NCEH1: variants seen among roughly 807,000 people sequenced by gnomAD.
NCEH1 encodes the protein 2-acetyl MAGE hydrolase.
Under a neutral mutation model 25.4 loss-of-function variants are expected in NCEH1, and 9 were observed. The ratio of observed to expected loss-of-function variants is 0.35; its 90% confidence interval spans 0.21 to 0.62. The LOEUF (loss-of-function observed/expected upper bound fraction) is 0.62, where lower values mean the gene tolerates loss of function less well. NCEH1 is among the 20% of genes least tolerant of loss of function. The pLI is 0.72. For missense variants in NCEH1, 412 were observed against 501.1 expected (o/e 0.82, Z 1.70); for synonymous variants, 200 against 199.8 (o/e 1.00, Z -0.01).
At chr3:172,689,274 T>C (rs1354375229) in intron 1 of NCEH1, among the ~76,000 whole-genome samples, 2 of 148,652 alleles carry the variant, frequency 1.3e-5, no homozygotes, top group Non-Finnish European at 3.0e-5. Flanking sequence ...TTTTTTTTTT[T>C]TGGGATGGAG....
At chr3:172,699,309 T>C (rs965523490) in intron 1 of NCEH1, among the ~76,000 whole-genome samples, 1 of 152,208 alleles carries the variant, frequency 6.6e-6, no homozygotes, top group African/African-American at 2.4e-5. Context: ...ACAGTGAGGC[T>C]GCAGTCAGCA....
chr3:172,654,361 G>C (rs73880217), intron 1 of NCEH1, among the ~76,000 whole-genome samples: 1,954 of 152,324 alleles, frequency 0.013, 37 homozygotes, highest in African/African-American at 0.043. Flanking sequence ...ACCTAGAACA[G>C]TGCCTGTCAC....
At position 172,696,040 on chromosome 3, in the gene NCEH1, C is replaced by A. The variant is rs966297541; in HGVS notation, c.138+14807G>T. The stretch of plus-strand genomic sequence containing the variant: ...TATATCCAGTTAGAACATCAGCAAA[C>A]TAAATCTACGGACCCTAAAACTTTA... On this transcript the variant is annotated intron_variant, in intron 1 of 4. Coordinates refer to ENST00000475381, the MANE Select transcript of NCEH1 (RefSeq NM_020792.6). 4.6e-5 allele frequency among the ~76,000 whole-genome samples: 7 copies of A among 152,238 alleles called. No homozygotes were observed. In the East Asian group the frequency reaches 1.3e-3, roughly 29 times the overall value.
At chr3:172,687,319 G>A (rs1474936396) in intron 1 of NCEH1, among the ~76,000 whole-genome samples, 1 of 152,072 alleles carries the variant, frequency 6.6e-6, no homozygotes, top group Non-Finnish European at 1.5e-5. Flanking sequence ...TCACAGCCTT[G>A]TACTGCCCAT....
chr3:172,649,863 A>G (rs3914946), intron 1 of NCEH1, among the ~76,000 whole-genome samples: 63,886 of 152,094 alleles, frequency 0.42, 13,907 homozygotes, highest in East Asian at 0.69. Flanking sequence ...TGGCTCTGTT[A>G]TATTATGAAC....
At chr3:172,699,875 A>G (rs1713587449) in intron 1 of NCEH1, among the ~76,000 whole-genome samples, 1 of 152,122 alleles carries the variant, frequency 6.6e-6, no homozygotes, top group South Asian at 2.1e-4. Context: ...ACAAAGAAAA[A>G]AACACTGTTG....
intron 1 of NCEH1, among the ~76,000 whole-genome samples, chr3:172,680,483 C>T (rs1291946930): frequency 6.6e-6 from 1 of 152,174 alleles, no homozygotes; most frequent in Non-Finnish European, 1.5e-5. Flanking sequence ...TGCAACTTCC[C>T]TGTAAACTTG....
chr3:172,633,343 T>A lies in NCEH1; in HGVS notation c.*132A>T. 1 of 865,608 alleles carries A rather than the reference T, an allele frequency of 1.2e-6. No homozygotes were observed. Among genetic ancestry groups the A allele is most frequent in the Non-Finnish European group, 1.8e-6 (1 of 554,196 alleles). 53.6% of individuals were successfully genotyped at this position (865,608 alleles called of 1,614,324 possible). ...TAGGTTATCATAAAGACTTCAGTTATGGAATAGAAATTCCATAACTCGCAA... is the reference window on the plus strand; with the variant it reads ...TAGGTTATCATAAAGACTTCAGTTAAGGAATAGAAATTCCATAACTCGCAA... On this transcript the variant is annotated 3_prime_UTR_variant, in exon 5 of 5. Coordinates refer to ENST00000475381, the MANE Select transcript of NCEH1 (RefSeq NM_020792.6).
Position 172,705,906 on chromosome 3 carries a change from G to A in NCEH1, c.138+4941C>T, listed in dbSNP as rs143132896. On this transcript the variant is annotated intron_variant, in intron 1 of 4. Transcript: ENST00000475381. ...CCAGCTACTCAGGAGGCTGAGGCAC[G>A]AGAATCACTTGAAACCAGGAGGTGG... Among the ~76,000 whole-genome samples, 426 of 149,690 alleles carry A rather than the reference G, an allele frequency of 2.8e-3. 2 individuals carry two copies. Among genetic ancestry groups the A allele is most frequent in the African/African-American group, 9.8e-3 (398 of 40,606 alleles).
intron 1 of NCEH1, chr3:172,681,362 A>C (rs894358118): frequency 6.6e-6 from 1 of 152,050 alleles, no homozygotes; most frequent in Non-Finnish European, 1.5e-5. Context: ...TTCTTACACT[A>C]AAGTAAGGCA....
At chr3:172,656,800 C>T (rs974967852) in intron 1 of NCEH1, among the ~76,000 whole-genome samples, 12 of 152,112 alleles carry the variant, frequency 7.9e-5, no homozygotes, top group African/African-American at 2.9e-4. Context: ...AGACTGCCCT[C>T]TTTGAAGGTA....
chr3:172,693,699 T>C (rs1053579254), intron 1 of NCEH1, among the ~76,000 whole-genome samples: 6 of 152,168 alleles, frequency 3.9e-5, no homozygotes, highest in Non-Finnish European at 7.3e-5. Flanking sequence ...TTTTCATCCA[T>C]GTATTAAGCT....
At chr3:172,670,529 A>G (rs1449804777) in intron 1 of NCEH1, among the ~76,000 whole-genome samples, 1 of 152,242 alleles carries the variant, frequency 6.6e-6, no homozygotes, top group Non-Finnish European at 1.5e-5. Context: ...AAAGCTACAC[A>G]TGTAGAGTCA....
Position 172,633,104 on chromosome 3 carries a change from G to C in NCEH1, c.*371C>G, listed in dbSNP as rs1716437762. 4.9e-6 allele frequency: 1 copy of C among 204,786 alleles called. No individual in the cohort carries two copies. Among genetic ancestry groups the C allele is most frequent in the African/African-American group, 2.4e-5 (1 of 42,422 alleles). 12.7% of individuals were successfully genotyped at this position (204,786 alleles called of 1,614,324 possible). A position where few individuals can be genotyped will look rare whatever the true frequency, so the allele number is the denominator to read the frequency against. The stretch of plus-strand genomic sequence containing the variant: ...TCCTCGTTTTTTTAACTTATTAAAG[G>C]TCACTCTATGATCCAGAGCTGGAAG... On this transcript the variant is annotated 3_prime_UTR_variant, in exon 5 of 5. Transcript: ENST00000475381.
intron 1 of NCEH1, among the ~76,000 whole-genome samples, chr3:172,688,279 G>T (rs188298530): frequency 1.5e-5 from 2 of 130,600 alleles, no homozygotes; most frequent in African/African-American, 3.1e-5. Context: ...GCAGTGAGCC[G>T]AGATCACGTC....
rs1338173375 is a variant in NCEH1 at position 172,645,618 on chromosome 3, CT to C, written c.437+4del. The C allele has an allele frequency of 1.9e-6, 3 of 1,574,248 alleles. No individual in the cohort carries two copies. The highest frequency in any genetic ancestry group is 2.6e-6 in the Non-Finnish European group (3 of 1,150,040). ...AATTTTCTATGACTAGCATTAATTA[CT>C]TACTCAATGGAAACAATGACAGCAT... On this transcript the variant is annotated splice_donor_region_variant and intron_variant, in intron 3 of 4. Transcript: ENST00000475381.
chr3:172,638,275 CCAAAAAAAAAAAAA>C (rs1320418623), intron 3 of NCEH1, among the ~76,000 whole-genome samples: 31 of 81,932 alleles, frequency 3.8e-4, no homozygotes, highest in African/African-American at 7.8e-4. Flanking sequence ...GAGACTCTGT[CCAAAAAAAAAAAAA>C]AAAAAAAAAA....
intron 1 of NCEH1, among the ~76,000 whole-genome samples, chr3:172,706,499 C>CTTTTTTTTTT (rs768288361): frequency 1.6e-5 from 2 of 126,464 alleles, no homozygotes; most frequent in African/African-American, 3.1e-5. Flanking sequence ...TTACATTTTT[C>CTTTTTTTTTT]TTTTTTTTTT....
chr3:172,653,466 T>TA (rs1177100301), intron 1 of NCEH1, among the ~76,000 whole-genome samples: 5 of 152,142 alleles, frequency 3.3e-5, no homozygotes, highest in Non-Finnish European at 5.9e-5. Context: ...ATCTGAAACT[T>TA]AGAGTAATAG....
Sources: allele counts gnomAD v4.1 joint callset (sites outside exome capture counted in the v4.1 genomes callset), GRCh38; gene constraint gnomAD v4.1.1; transcripts MANE v1.5; gene names NCBI Gene and HGNC (gene_info 2026-07-23, HGNC 2026-07-21).